The following VPS37A variants were observed in gnomAD, a reference collection of about 807,000 sequenced individuals.
The protein encoded by VPS37A is VPS37A subunit of ESCRT-I, also known as vacuolar protein sorting-associated protein 37A.
VPS37A carries 30 observed loss-of-function variants against 49.8 expected under a neutral mutation model. The ratio of observed to expected loss-of-function variants is 0.60; its 90% CI spans 0.45 to 0.82. The LOEUF (loss-of-function observed/expected upper bound fraction) is 0.82, where lower values mean the gene tolerates loss of function less well. Among genes scored for constraint, VPS37A ranks in the 40% least tolerant of loss-of-function variants. The probability of loss-of-function intolerance (pLI) is 0.00; values close to 1 mark genes in which losing one functional copy is unlikely to be tolerated. For missense variants in VPS37A, 593 were observed against 464.4 expected, an observed-to-expected ratio of 1.28 and a Z score of -2.55; for synonymous variants, 195 against 160.6, an observed-to-expected ratio of 1.21 and a Z score of -1.62.
At chr8:17,302,245 C>G (rs763464269), downstream of VPS37A, 2 of 1,614,020 alleles carry the variant, frequency 1.2e-6, no homozygotes, top group African/African-American at 1.3e-5. Context: ...GGGCTGCATC[C>G]CCTTTTCAAA....
At chr8:17,324,052 C>T in the VPS37A span, among the ~76,000 whole-genome samples, 4 of 152,164 alleles carry the variant, frequency 2.6e-5, no homozygotes, top group Non-Finnish European at 5.9e-5. Context: ...TAATGTCAAA[C>T]GCTTTGGCTT....
In VPS37A at chr8:17,268,838, A is replaced by T. The variant is rs1464466052; in HGVS notation, c.316-18A>T. 3 of 1,509,426 alleles carry T rather than the reference A, an allele frequency of 2.0e-6. No individual in the cohort carries two copies. Among genetic ancestry groups the T allele is most frequent in the Non-Finnish European group, 2.7e-6 (3 of 1,093,548 alleles). The allele number at this position is 1,509,426 out of a possible 1,614,324, so 93.5% of individuals were successfully genotyped here. ...TTTTCTGGAAGTGATTTTAAGCGTC[A>T]TGTATTGTTACTTTCAGTTTACAAT... is the stretch of plus-strand genomic sequence containing the variant. On this transcript the variant is annotated intron_variant, in intron 3 of 11. Transcript: ENST00000324849.
chr8:17,265,753 A>G, intron 1 of VPS37A, 154 bp from the exon 2 acceptor site: 1 of 1,528,708 alleles, frequency 6.5e-7, no homozygotes, highest in Non-Finnish European at 8.8e-7. Flanking sequence ...AACTATGATC[A>G]TTTTCCTTCC....
In VPS37A at chr8:17,279,926, A is replaced by C. The variant is rs551561454; in HGVS notation, c.714-102A>C. On this transcript the variant is annotated intron_variant, in intron 6 of 11. Transcript: ENST00000324849. ...TTAGGTGTATATGTAAAAATTATTT[A>C]GAACCCTATCAGTTAACTAAAGCTG... 2.5e-4 allele frequency: 365 copies of C among 1,470,360 alleles called. 3 individuals carry two copies. The highest frequency in any genetic ancestry group is 1.6e-3 in the South Asian group (140 of 86,822). The allele number at this position is 1,470,360 out of a possible 1,614,324, so 91.1% of individuals were successfully genotyped here.
chr8:17,318,066 T>TA, the VPS37A span, among the ~76,000 whole-genome samples: 689 of 152,000 alleles, frequency 4.5e-3, 16 homozygotes, highest in Admixed American at 0.041. Flanking sequence ...ACTGAGCTGT[T>TA]AAAAAAAATC....
chr8:17,289,528 C>G (rs1216692489), intron 11 of VPS37A, among the ~76,000 whole-genome samples: 1 of 152,122 alleles, frequency 6.6e-6, no homozygotes, highest in African/African-American at 2.4e-5. Flanking sequence ...GGTGTTATTT[C>G]TGAGGCCTCT....
downstream of VPS37A, chr8:17,304,488 G>A (rs1420180486): frequency 1.2e-6 from 2 of 1,613,914 alleles, no homozygotes. Context: ...TTCCACAGGT[G>A]AGCCCATAAT....
chr8:17,324,745 G>A, the VPS37A span, among the ~76,000 whole-genome samples: 10 of 152,166 alleles, frequency 6.6e-5, no homozygotes, highest in Admixed American at 6.5e-4. Flanking sequence ...ACTTTAATGG[G>A]AAAATGGGTT....
rs1815385895 is a variant in VPS37A, at chr8:17,284,343, A to AT, written c.970-126dup. The stretch of plus-strand genomic sequence containing the variant: ...TGGGTGGGGCATTATAAGACAGCAG[A>AT]TTTTCTCAAAAAGAGGCTATATAGG... On this transcript the variant is annotated intron_variant, in intron 9 of 11. Transcript: ENST00000324849. 6 of 1,086,514 alleles carry AT rather than the reference A, an allele frequency of 5.5e-6. No homozygotes were observed. The East Asian group carries it at 1.9e-4, about 34-fold the overall frequency. 67.3% of individuals were successfully genotyped at this position (1,086,514 alleles called of 1,614,324 possible). A position where few individuals can be genotyped will look rare whatever the true frequency, so the allele number is the denominator to read the frequency against.
rs1816714599 is a variant in VPS37A at position 17,297,086 on chromosome 8, C to T, written c.*2100C>T. The T allele has an allele frequency of 6.6e-6, 1 of 152,006 alleles. No individual in the cohort carries two copies. The highest frequency in any genetic ancestry group is 2.1e-4 in the South Asian group (1 of 4,826). 9.4% of individuals were successfully genotyped at this position (152,006 alleles called of 1,614,324 possible). On this transcript the variant is annotated 3_prime_UTR_variant, in exon 12 of 12. Coordinates refer to ENST00000324849, the MANE Select transcript of VPS37A (RefSeq NM_152415.3). ...ATATATTTTCTTCATAAAAATTGGT[C>T]ACATCGGAGAAGCAGTGCCACAGGA...
the VPS37A span, among the ~76,000 whole-genome samples, chr8:17,316,150 A>G: frequency 6.6e-6 from 1 of 152,210 alleles, no homozygotes; most frequent in African/African-American, 2.4e-5. Flanking sequence ...TGGGCAGATT[A>G]CTTAGCCTCT....
chr8:17,247,281 T>A lies in VPS37A; in HGVS notation c.37T>A (p.Ser13Thr). Residue 13 changes from serine (S) to threonine (T), a missense_variant, in exon 1 of 12, where the codon TCC becomes ACC. Coordinates refer to ENST00000324849, the MANE Select transcript of VPS37A (RefSeq NM_152415.3). ...WLFPLTKSAS[S>T]SAAGSPGGLT... ...TTTTCCCCTGACCAAGAGCGCCTCC[T>A]CCTCCGCGGCTGGGTCCCCCGGTGG... 1 of 1,567,196 alleles carries A rather than the reference T, an allele frequency of 6.4e-7. No homozygotes were observed. The highest frequency in any genetic ancestry group is 8.6e-7 in the Non-Finnish European group (1 of 1,156,140).
intron 4 of VPS37A, among the ~76,000 whole-genome samples, chr8:17,269,459 G>A (rs958218396): frequency 2.6e-5 from 4 of 151,972 alleles, no homozygotes; most frequent in African/African-American, 9.7e-5. Context: ...TTTTGTTTTA[G>A]ATCATCTTCA....
At chr8:17,263,926 G>A (rs1182262232) in intron 1 of VPS37A, among the ~76,000 whole-genome samples, 1 of 152,158 alleles carries the variant, frequency 6.6e-6, no homozygotes, top group Non-Finnish European at 1.5e-5. Flanking sequence ...GGGCAACAGA[G>A]CGAAACTCCG....
chr8:17,298,751 C>T (rs1816905082), downstream of VPS37A: 1 of 152,540 alleles, frequency 6.6e-6, no homozygotes, highest in South Asian at 2.1e-4. Context: ...TTTAGGTCAC[C>T]TAGTGAAGTC....
chr8:17,272,173 C>G (rs779448202), intron 4 of VPS37A: 1 of 435,034 alleles, frequency 2.3e-6, no homozygotes, highest in Non-Finnish European at 4.6e-6. Context: ...CCAGGCTCCT[C>G]CTAACAGCCT....
chr8:17,282,965 T>C (rs1332980771), intron 9 of VPS37A, among the ~76,000 whole-genome samples: 1 of 152,324 alleles, frequency 6.6e-6, no homozygotes, highest in Middle Eastern at 3.4e-3. Flanking sequence ...TCAATAAATA[T>C]TTAATGAATA....
At chr8:17,286,326 T>C in intron 10 of VPS37A, 21 bp from the exon 11 acceptor site, 1 of 1,607,902 alleles carries the variant, frequency 6.2e-7, no homozygotes, top group Non-Finnish European at 8.5e-7. Context: ...TGACTGGTAT[T>C]TTCAAAAATT....
At chr8:17,247,695 AT>A in intron 1 of VPS37A, 3 of 702,882 alleles carry the variant, frequency 4.3e-6, no homozygotes, top group Non-Finnish European at 7.8e-6. Flanking sequence ...TTCGCCACTG[AT>A]CTTTCCCTTT....
Sources: allele counts gnomAD v4.1 joint callset (sites outside exome capture counted in the v4.1 genomes callset), GRCh38; gene constraint gnomAD v4.1.1; transcripts MANE v1.5; gene names NCBI Gene and HGNC (gene_info 2026-07-23, HGNC 2026-07-21).